The following TTN variants were observed in gnomAD, a reference collection of about 807,000 sequenced individuals.
The protein encoded by TTN is titin, also known as connectin.
TTN carries 1,525 observed loss-of-function variants against 3,223.0 expected under a neutral mutation model. The observed-to-expected ratio is 0.47, with a 90% confidence interval of 0.45 to 0.49. The LOEUF is 0.49. TTN is among the 20% of genes least tolerant of loss of function. TTN has a pLI of 0.00. For synonymous variants in TTN, 14,094 were observed against 15,161.0 expected (o/e 0.93, Z 5.17); for missense variants, 40,786 against 43,424.0 (o/e 0.94, Z 5.40).
rs794727331 is a variant in TTN, at chr2:178,618,704, T to C, written c.46846A>G (p.Thr15616Ala). The change falls in exon 251 of 363, where the codon ACG (threonine) becomes GCG (alanine). Residue 15616 changes from threonine to alanine, a missense_variant. Thr to Ala is a moderately conservative substitution (Grantham distance 58, BLOSUM62 0). Coordinates refer to ENST00000589042, the MANE Select transcript of TTN (RefSeq NM_001267550.2). ...ATTCTGAAAGAAGTTTGTTCAGCCG[T>C]AGTATCAATGGTTTTTGTAGATAAA... ...EPLSTKTIDT[T>A]AEQTSFRILE... 1.1e-5 allele frequency: 18 copies of C among 1,612,114 alleles called. No homozygotes were observed. Among genetic ancestry groups the C allele is most frequent in the Non-Finnish European group, 1.5e-5 (18 of 1,178,952 alleles).
rs2053260795 is a variant in TTN at position 178,600,964 on chromosome 2, T to C, written c.55940A>G (p.Glu18647Gly). ...RDVEELQFTV[E>G]DLVEGGEYEF... ...ATATTCCCCACCCTCTACTAGGTCT[T>C]CAACAGTAAATTGCAGTTCTTCCAC... Residue 18647 changes from glutamate (E) to glycine (G), a missense_variant, in exon 288 of 363, where the codon GAA (glutamate) becomes GGA (glycine). Coordinates refer to ENST00000589042, the MANE Select transcript of TTN (RefSeq NM_001267550.2). 4 of 1,612,934 alleles carry C rather than the reference T, an allele frequency of 2.5e-6. No homozygotes were observed. The highest frequency in any genetic ancestry group is 1.7e-5 in the Admixed American group (1 of 59,942).
rs755499990 is a variant in TTN, at chr2:178,558,060, C to G, written c.87294G>C (p.Glu29098Asp). Residue 29098 changes from glutamate (E) to aspartate (D), a missense_variant, in exon 328 of 363, where the codon GAG becomes GAC. Physicochemically the swap from Glu to Asp is conservative, Grantham distance 45. Coordinates refer to ENST00000589042, the MANE Select transcript of TTN (RefSeq NM_001267550.2). ...TTTCTTTGAGATTGATGGTCAGGTT[C>G]TCAGCAGTAATTTCGGTATTAAATC... ...TMRFNTEITA[E>D]NLTINLKESV... is the part of the protein sequence containing the mutation. 1 of 1,613,940 alleles carries G rather than the reference C, an allele frequency of 6.2e-7. No homozygotes were observed.
At chr2:178,595,968 C>T (rs888027452) in intron 294 of TTN, among the ~76,000 whole-genome samples, 159 bp from the exon 295 acceptor site, 1 of 142,928 alleles carries the variant, frequency 7.0e-6, no homozygotes, top group African/African-American at 2.6e-5. Flanking sequence ...CTAGTCAATA[C>T]AAAAACAGTC....
Position 178,556,986 on chromosome 2 carries a change from C to G in TTN, c.88168G>C (p.Val29390Leu). The part of the protein sequence containing the change: ...GRWTKASFTN[V>L]TETQFIISGL... Reference sequence around the variant, plus strand: ...GAGATGATGAATTGAGTTTCAGTAACATTGGTGAAGCTGGCCTTGGTCCAT... The same window carrying G: ...GAGATGATGAATTGAGTTTCAGTAAGATTGGTGAAGCTGGCCTTGGTCCAT... Residue 29390 changes from valine to leucine, a missense_variant, in exon 330 of 363, where the codon GTT (valine) becomes CTT (leucine). Physicochemically the swap from Val to Leu is conservative, Grantham distance 32 (BLOSUM62 1). Transcript: ENST00000589042. 1 of 1,613,796 alleles carries G rather than the reference C, an allele frequency of 6.2e-7. No homozygotes were observed. Among genetic ancestry groups the G allele is most frequent in the Non-Finnish European group, 8.5e-7 (1 of 1,179,826 alleles).
Position 178,691,999 on chromosome 2 carries a change from C to T in TTN, c.31762+17G>A. ...CACTTGGAGCAAAGAGTCTCCCCAT[C>T]ATTGGCTCTGGCGTACCTTTTGGGG... On this transcript the variant is annotated intron_variant, in intron 121 of 362. Transcript: ENST00000589042. 6.2e-7 allele frequency: 1 copy of T among 1,604,780 alleles called. No homozygotes were observed. The highest frequency in any genetic ancestry group is 8.5e-7 in the Non-Finnish European group (1 of 1,175,358).
Position 178,735,615 on chromosome 2 carries a change from G to A in TTN, c.14831C>T (p.Thr4944Ile). 1 of 1,613,630 alleles carries A rather than the reference G, an allele frequency of 6.2e-7. No individual in the cohort carries two copies. The highest frequency in any genetic ancestry group is 1.3e-5 in the African/African-American group (1 of 75,056). The change falls in exon 50 of 363, where the codon ACA (threonine) becomes ATA (isoleucine). Residue 4944 changes from threonine (T) to isoleucine (I), a missense_variant. Coordinates refer to ENST00000589042, the MANE Select transcript of TTN (RefSeq NM_001267550.2). ...YKICFEDKIATLEIPLAKLKD... is the reference protein window; with the variant it reads ...YKICFEDKIAILEIPLAKLKD... ...CAGTTTGGCCAAAGGAATCTCAAGT[G>A]TTGCTATTTTATCTTCAAAACAGAT... is the stretch of plus-strand genomic sequence containing the variant.
At chr2:178,638,080 A>G (rs2060723223) in intron 223 of TTN, among the ~76,000 whole-genome samples, 1 of 152,018 alleles carries the variant, frequency 6.6e-6, no homozygotes, top group South Asian at 2.1e-4. Context: ...CTTTATTTTT[A>G]TACATACTTA....
intron 180 of TTN, among the ~76,000 whole-genome samples, chr2:178,659,487 T>C (rs1181651999): frequency 6.8e-6 from 1 of 148,122 alleles, no homozygotes; most frequent in Non-Finnish European, 1.5e-5. Context: ...TTGACAAAAT[T>C]CAACAGCCCT....
rs1281737679 is a variant in TTN at position 178,748,759 on chromosome 2, T to C, written c.11311+4365A>G. 6 of 1,612,508 alleles carry C rather than the reference T, an allele frequency of 3.7e-6. No individual in the cohort carries two copies. The African/African-American group carries it at 6.7e-5, about 18-fold the overall frequency. ...GACTTATTTTTTCCTGTTGTTCCCTTTCTTGTGCGTCAAATTCTTTATGAG... is the reference window on the plus strand; with the variant it reads ...GACTTATTTTTTCCTGTTGTTCCCTCTCTTGTGCGTCAAATTCTTTATGAG... On this transcript the variant is annotated intron_variant, in intron 47 of 362. Coordinates refer to ENST00000589042, the MANE Select transcript of TTN (RefSeq NM_001267550.2).
intron 189 of TTN, chr2:178,655,643 GACAA>G (rs2063870012): frequency 1.7e-4 from 1 of 5,960 alleles, no homozygotes; most frequent in Non-Finnish European, 3.0e-4. Flanking sequence ...ACCAATAACA[GACAA>G]ACAGAGAGCC....
In TTN at chr2:178,764,772, A is replaced by G. The variant is rs2090056123; in HGVS notation, c.9743T>C (p.Val3248Ala). 6.2e-7 allele frequency: 1 copy of G among 1,613,822 alleles called. No homozygotes were observed. Among genetic ancestry groups the G allele is most frequent in the Admixed American group, 1.7e-5 (1 of 60,010 alleles). Residue 3248 changes from valine to alanine, a missense_variant, in exon 42 of 363, where the codon GTC becomes GCC. Physicochemically the swap from Val to Ala is moderately conservative, Grantham distance 64. Coordinates refer to ENST00000589042, the MANE Select transcript of TTN (RefSeq NM_001267550.2). The part of the protein sequence containing the change: ...PPQVLQELQP[V>A]TVQSGKPARF... ...GGCAGGCTTGCCAGACTGCACAGTG[A>G]CAGGCTGGAGCTCCTGCAGAACTTG...
rs1464682626 is a variant in TTN at position 178,560,579 on chromosome 2, C to T, written c.85553G>A (p.Gly28518Asp). 4 of 1,613,220 alleles carry T rather than the reference C, an allele frequency of 2.5e-6. No homozygotes were observed. The highest frequency in any genetic ancestry group is 8.5e-7 in the Non-Finnish European group (1 of 1,179,674). The change falls in exon 326 of 363, where the codon GGC (glycine) becomes GAC (aspartate). Residue 28518 changes from glycine (G) to aspartate (D), a missense_variant. Physicochemically the swap from Gly to Asp is moderately conservative, Grantham distance 94. Coordinates refer to ENST00000589042, the MANE Select transcript of TTN (RefSeq NM_001267550.2). The stretch of plus-strand genomic sequence containing the variant: ...AGTTACTCTAAATATATATTCATTG[C>T]CTTTGAGTAACTTGGTTACTTTACA... ...TSCKVTKLLKGNEYIFRVTGV... is the reference protein window; with the variant it reads ...TSCKVTKLLKDNEYIFRVTGV...
chr2:178,776,258 T>C lies in TTN; in HGVS notation c.5606A>G (p.Gln1869Arg), dbSNP rs770347404. Residue 1869 changes from glutamine (Q) to arginine (R), a missense_variant, in exon 28 of 363, where the codon CAG becomes CGG. Gln to Arg is a conservative substitution (Grantham distance 43). Transcript: ENST00000589042. ...ATTGAGGTACCAGTTGACTTTGGGC[T>C]GAGGGTAGCCTGTTACCCTGCAGCG... The part of the protein sequence containing the change: ...RFRCRVTGYP[Q>R]PKVNWYLNGQ... 8.1e-6 allele frequency: 13 copies of C among 1,614,070 alleles called. No individual in the cohort carries two copies. In the Admixed American group the frequency reaches 2.0e-4, roughly 25 times the overall value.
At position 178,547,103 on chromosome 2, in the gene TTN, T is replaced by C. The variant is rs372786373; in HGVS notation, c.94422A>G (p.Val31474=). ...LECNYKVTGL[V]EGLEYQFRTY... ...TTCTGAACTGATATTCCAGTCCTTC[T>C]ACTAAACCAGTTACTTTGTAGTTGC... The change falls in exon 340 of 363, where the codon GTA becomes GTG. Residue 31474 remains valine, a synonymous_variant. Transcript: ENST00000589042. The C allele has an allele frequency of 6.2e-7, 1 of 1,613,850 alleles. No individual in the cohort carries two copies. Among genetic ancestry groups the C allele is most frequent in the Non-Finnish European group, 8.5e-7 (1 of 1,179,764 alleles).
Position 178,532,361 on chromosome 2 carries a change from G to A in TTN, c.104254C>T (p.Gln34752Ter). The change falls in exon 358 of 363, where the codon CAG (glutamine) becomes TAG (stop). Residue 34752 changes from glutamine (Q) to a stop codon, truncating the protein, a stop_gained. Transcript: ENST00000589042. LOFTEE classifies it high-confidence loss of function. ...SYAELRERHAQAAYRQPKQRQ... is the reference protein window; with the variant it reads ...SYAELRERHA ...TGCTTTGGCTGTCTGTACGCAGCCT[G>A]GGCATGCCGTTCCCTCAGTTCTGCA... 1.2e-6 allele frequency: 2 copies of A among 1,613,984 alleles called. No individual in the cohort carries two copies. Among genetic ancestry groups the A allele is most frequent in the Non-Finnish European group, 8.5e-7 (1 of 1,179,884 alleles).
rs181166140 is a variant in TTN at position 178,569,487 on chromosome 2, C to T, written c.76645G>A (p.Gly25549Ser). ...ATTATAGCTGCATCTCGGATTTCAC[C>T]ATCCACCTTTCCCCATTTAACTTCT... Reference protein sequence around the residue: ...TPEVKWGKVDGEIRDAAIIDV... With the variant: ...TPEVKWGKVDSEIRDAAIIDV... Residue 25549 changes from glycine to serine, a missense_variant, in exon 326 of 363, where the codon GGT becomes AGT. Transcript: ENST00000589042. 290 of 1,612,718 alleles carry T rather than the reference C, an allele frequency of 1.8e-4. 3 individuals are homozygous for T. In the Admixed American group the frequency reaches 4.6e-3, roughly 25 times the overall value.
intron 47 of TTN, chr2:178,749,135 A>G (rs2084601156): frequency 6.2e-7 from 1 of 1,612,604 alleles, no homozygotes; most frequent in East Asian, 2.2e-5. Flanking sequence ...CTCAGAGTGA[A>G]TATTTGGTAA....
Position 178,608,778 on chromosome 2 carries a change from CT to C in TTN, c.52232del (p.Lys17411ArgfsTer22). 1 of 1,612,592 alleles carries C rather than the reference CT, an allele frequency of 6.2e-7. No homozygotes were observed. Among genetic ancestry groups the C allele is most frequent in the African/African-American group, 1.3e-5 (1 of 74,946 alleles). On this transcript the variant is annotated frameshift_variant, in exon 274 of 363. Coordinates refer to ENST00000589042, the MANE Select transcript of TTN (RefSeq NM_001267550.2). LOFTEE classifies it high-confidence loss of function. ...IINYTLEKKDKTKPDSEWIVV... is the reference protein window; with the variant it reads ...IINYTLEKKDXTKPDSEWIVV... ...CAATCCATTCTGAGTCGGGTTTTGT[CT>C]TGTCTTTCTTTTCCAAAGTGTAGTT...
intron 52 of TTN, 61 bp downstream of exon 52, chr2:178,734,267 A>G (rs1362191835): frequency 2.7e-6 from 4 of 1,485,832 alleles, no homozygotes; most frequent in Non-Finnish European, 2.7e-6. Context: ...TTTTTCTTCC[A>G]TGGGGTAAGA....
Sources: allele counts gnomAD v4.1 joint callset (sites outside exome capture counted in the v4.1 genomes callset), GRCh38; gene constraint gnomAD v4.1.1; transcripts MANE v1.5; gene names NCBI Gene and HGNC (gene_info 2026-07-23, HGNC 2026-07-21).